The following ABI1 variants were observed in gnomAD, a reference collection of about 807,000 sequenced individuals.
ABI1 encodes the protein Abelson interactor 1.
ABI1 carries 14 observed loss-of-function variants against 54.6 expected under a neutral mutation model. The ratio of observed to expected loss-of-function variants is 0.26; its 90% CI spans 0.17 to 0.40. ABI1 has a LOEUF of 0.40. Ranked by LOEUF, ABI1 falls within the 10% of genes least tolerant of loss-of-function variation. The pLI is 1.00. For missense variants in ABI1, 443 were observed against 598.3 expected (o/e 0.74, Z 2.71); for synonymous variants, 194 against 209.3 (o/e 0.93, Z 0.63).
At chr10:26,813,887 G>C (rs1447554708) in intron 2 of ABI1, among the ~76,000 whole-genome samples, 1 of 151,940 alleles carries the variant, frequency 6.6e-6, no homozygotes, top group Non-Finnish European at 1.5e-5. Flanking sequence ...TTGAATATCT[G>C]ATATGATAAA....
intron 2 of ABI1, among the ~76,000 whole-genome samples, chr10:26,808,717 C>T (rs1280148731): frequency 6.6e-6 from 1 of 151,694 alleles, no homozygotes; most frequent in Non-Finnish European, 1.5e-5. Context: ...AATGAGACCC[C>T]GTCTCAACAA....
intron 2 of ABI1, among the ~76,000 whole-genome samples, chr10:26,778,286 T>C (rs1464637000): frequency 3.3e-5 from 5 of 152,114 alleles, no homozygotes; most frequent in Admixed American, 2.6e-4. Context: ...GAAATAATTA[T>C]ACAACTGCTC....
chr10:26,821,243 TA>T (rs34139312), intron 2 of ABI1, among the ~76,000 whole-genome samples: 1 of 114,920 alleles, frequency 8.7e-6, no homozygotes, highest in Non-Finnish European at 1.7e-5. Context: ...AGACTCCATC[TA>T]AAAAAAAAAA....
chr10:26,770,154 G>T, intron 5 of ABI1, 91 bp downstream of exon 5: 1 of 983,792 alleles, frequency 1.0e-6, no homozygotes. Context: ...AGAGGGTAGT[G>T]TGGCATGGAT....
At chr10:26,759,270 A>G in intron 7 of ABI1, 32 bp from the exon 8 acceptor site, 1 of 1,605,538 alleles carries the variant, frequency 6.2e-7, no homozygotes, top group Non-Finnish European at 8.5e-7. Context: ...CAACCAACAA[A>G]GAGACTTGAG....
At chr10:26,829,917 G>A (rs2048554637) in intron 1 of ABI1, among the ~76,000 whole-genome samples, 5 of 152,060 alleles carry the variant, frequency 3.3e-5, no homozygotes, top group Admixed American at 3.3e-4. Flanking sequence ...TGATAAATGG[G>A]TACAGTAGTA....
At chr10:26,767,775 G>T (rs755109361) in intron 6 of ABI1, among the ~76,000 whole-genome samples, 6 of 152,120 alleles carry the variant, frequency 3.9e-5, no homozygotes, top group African/African-American at 1.2e-4. Flanking sequence ...GGCCAGGAGC[G>T]GTGGATCATG....
intron 7 of ABI1, among the ~76,000 whole-genome samples, chr10:26,762,010 C>G (rs112383763): frequency 2.6e-4 from 40 of 151,800 alleles, no homozygotes; most frequent in African/African-American, 8.7e-4. Context: ...CTTCTTGAAG[C>G]CTTGTGTTTT....
chr10:26,851,045 C>T (rs984659716), intron 1 of ABI1, among the ~76,000 whole-genome samples: 9 of 151,142 alleles, frequency 6.0e-5, no homozygotes, highest in Non-Finnish European at 1.3e-4. Flanking sequence ...TAGGAAAAAC[C>T]AACCATGCAA....
chr10:26,848,799 G>A (rs1490938057), intron 1 of ABI1, among the ~76,000 whole-genome samples: 11 of 151,508 alleles, frequency 7.3e-5, no homozygotes, highest in African/African-American at 2.2e-4. Context: ...AGTAGAGACG[G>A]GATTTCACCA....
intron 1 of ABI1, among the ~76,000 whole-genome samples, chr10:26,831,436 G>A (rs1018818248): frequency 2.0e-5 from 3 of 152,100 alleles, no homozygotes; most frequent in Admixed American, 6.6e-5. Flanking sequence ...CCAGCTACTC[G>A]GGAGGCTGAG....
chr10:26,787,549 G>A (rs1842855326), intron 2 of ABI1, among the ~76,000 whole-genome samples: 1 of 152,006 alleles, frequency 6.6e-6, no homozygotes, highest in African/African-American at 2.4e-5. Flanking sequence ...AACATGTCCA[G>A]CAAAGCACAA....
intron 2 of ABI1, among the ~76,000 whole-genome samples, chr10:26,803,866 C>T (rs556995679): frequency 6.6e-6 from 1 of 152,104 alleles, no homozygotes; most frequent in East Asian, 1.9e-4. Context: ...TTCCTGTCAT[C>T]ATTAAACTTA....
At chr10:26,845,170 A>T (rs567071879) in intron 1 of ABI1, among the ~76,000 whole-genome samples, 1 of 151,902 alleles carries the variant, frequency 6.6e-6, no homozygotes, top group South Asian at 2.1e-4. Context: ...GCTGCTTGAC[A>T]TATTCTCTTT....
In ABI1 at chr10:26,779,295, G is replaced by A. The variant is rs11015281; in HGVS notation, c.286-2054C>T. 7.6e-3 allele frequency among the ~76,000 whole-genome samples: 1,157 copies of A among 152,306 alleles called. 5 individuals carry two copies. The highest frequency in any genetic ancestry group is 0.012 in the Non-Finnish European group (790 of 68,020). Reference sequence around the variant, plus strand: ...CCTCCACTTTAGTGCCTGTGAATGAGGCTGAAATGAAGAGGAAGTTTCAGG... The same window carrying A: ...CCTCCACTTTAGTGCCTGTGAATGAAGCTGAAATGAAGAGGAAGTTTCAGG... On this transcript the variant is annotated intron_variant, in intron 2 of 10. Transcript: ENST00000376140.
chr10:26,753,011 C>T (rs539379598), intron 9 of ABI1, among the ~76,000 whole-genome samples: 3 of 152,076 alleles, frequency 2.0e-5, no homozygotes, highest in Non-Finnish European at 4.4e-5. Flanking sequence ...AGAAATCAGC[C>T]ATAATCTATC....
At chr10:26,768,060 T>C (rs1840176867) in intron 6 of ABI1, among the ~76,000 whole-genome samples, 2 of 151,092 alleles carry the variant, frequency 1.3e-5, no homozygotes, top group Non-Finnish European at 3.0e-5. Context: ...AAGATAATAA[T>C]AATATTATTA....
chr10:26,849,805 T>C (rs1482901581), intron 1 of ABI1, among the ~76,000 whole-genome samples: 1 of 152,190 alleles, frequency 6.6e-6, no homozygotes, highest in Non-Finnish European at 1.5e-5. Flanking sequence ...GTGTTAATAT[T>C]AGTGATTGCA....
intron 2 of ABI1, among the ~76,000 whole-genome samples, chr10:26,795,695 G>C (rs1844068030): frequency 6.6e-6 from 1 of 151,814 alleles, no homozygotes; most frequent in Non-Finnish European, 1.5e-5. Context: ...AACCGAGAAG[G>C]TTAAAGATTT....
Sources: allele counts gnomAD v4.1 joint callset (sites outside exome capture counted in the v4.1 genomes callset), GRCh38; gene constraint gnomAD v4.1.1; transcripts MANE v1.5; gene names NCBI Gene and HGNC (gene_info 2026-07-23, HGNC 2026-07-21).